The following CDK7 variants were observed in gnomAD, a reference collection of about 807,000 sequenced individuals.
The protein encoded by CDK7 is cyclin-dependent kinase 7.
Under a neutral mutation model 49.1 loss-of-function variants are expected in CDK7, and 25 were observed. That is an observed-to-expected ratio of 0.51 (90% CI 0.37 to 0.71). The LOEUF (loss-of-function observed/expected upper bound fraction) is 0.71, where lower values mean the gene tolerates loss of function less well. CDK7 is among the 30% of genes least tolerant of loss of function. The probability of loss-of-function intolerance (pLI) is 0.00; values close to 1 mark genes in which losing one functional copy is unlikely to be tolerated. For missense variants in CDK7, 316 were observed against 411.7 expected (o/e 0.77, Z 2.01); for synonymous variants, 107 against 140.0 (o/e 0.76, Z 1.67).
At chr5:69,265,894 A>G (rs1751122317) in intron 8 of CDK7, among the ~76,000 whole-genome samples, 1 of 150,936 alleles carries the variant, frequency 6.6e-6, no homozygotes, top group Non-Finnish European at 1.5e-5. Flanking sequence ...TGGGTGACAG[A>G]GCAAGACACT....
chr5:69,247,505 G>A (rs562279323), intron 2 of CDK7, among the ~76,000 whole-genome samples: 2 of 148,498 alleles, frequency 1.3e-5, no homozygotes, highest in African/African-American at 2.5e-5. Context: ...CAGATCTTTG[G>A]GGCTTCTTTT....
intron 9 of CDK7, among the ~76,000 whole-genome samples, chr5:69,272,066 C>T (rs1751611802): frequency 6.6e-6 from 1 of 152,208 alleles, no homozygotes; most frequent in South Asian, 2.1e-4. Flanking sequence ...GCTGAGATTA[C>T]AAGCGTGAGC....
At chr5:69,266,698 T>G (rs1230331043) in intron 8 of CDK7, among the ~76,000 whole-genome samples, 3 of 146,872 alleles carry the variant, frequency 2.0e-5, no homozygotes, top group South Asian at 2.1e-4. Flanking sequence ...TCAGCAGGGG[T>G]GGCTTCCAGG....
chr5:69,237,374 C>T (rs986498637), intron 2 of CDK7, among the ~76,000 whole-genome samples: 1 of 152,150 alleles, frequency 6.6e-6, no homozygotes, highest in Non-Finnish European at 1.5e-5. Flanking sequence ...AGGATCATTG[C>T]ATTTGGTCTG....
At chr5:69,276,405 G>C in intron 10 of CDK7, 138 bp from the exon 11 acceptor site, 1 of 698,530 alleles carries the variant, frequency 1.4e-6, no homozygotes, top group Non-Finnish European at 2.5e-6. Flanking sequence ...GCAAATACTT[G>C]ACATTAATTT....
intron 2 of CDK7, among the ~76,000 whole-genome samples, chr5:69,243,836 T>TTG (rs1554062459): frequency 3.7e-5 from 5 of 136,616 alleles, no homozygotes; most frequent in African/African-American, 1.1e-4. Context: ...GTTTTTTTTT[T>TTG]TTTTTTTTTT....
chr5:69,251,913 A>G (rs1347509934), intron 2 of CDK7, among the ~76,000 whole-genome samples: 1 of 152,224 alleles, frequency 6.6e-6, no homozygotes, highest in East Asian at 1.9e-4. Context: ...TTTGTGTAAG[A>G]CTAAACCTGT....
chr5:69,271,931 G>GTT (rs377452875), intron 9 of CDK7, among the ~76,000 whole-genome samples: 21 of 145,724 alleles, frequency 1.4e-4, no homozygotes, highest in Admixed American at 6.2e-4. Flanking sequence ...TTCAGTTTTT[G>GTT]TTTTTTTTTT....
chr5:69,236,189 C>T (rs1020190087), intron 2 of CDK7, among the ~76,000 whole-genome samples: 39 of 150,708 alleles, frequency 2.6e-4, no homozygotes, highest in African/African-American at 9.3e-4. Context: ...TGTAATGAGC[C>T]GAGATGGTGC....
intron 8 of CDK7, among the ~76,000 whole-genome samples, chr5:69,268,780 G>A (rs2150226906): frequency 6.7e-6 from 1 of 148,674 alleles, no homozygotes; most frequent in Non-Finnish European, 1.5e-5. Context: ...CTGAACCCAG[G>A]AGGCGGAGCT....
intron 8 of CDK7, among the ~76,000 whole-genome samples, chr5:69,265,525 A>G (rs1336642561): frequency 2.0e-5 from 3 of 152,218 alleles, no homozygotes; most frequent in Non-Finnish European, 4.4e-5. Flanking sequence ...AAGTGTTCAC[A>G]TTGTGAGGGA....
intron 8 of CDK7, among the ~76,000 whole-genome samples, chr5:69,263,210 G>A (rs971378337): frequency 6.6e-6 from 1 of 151,984 alleles, no homozygotes; most frequent in African/African-American, 2.4e-5. Flanking sequence ...TAGCCCTTAC[G>A]AATGATGAAG....
chr5:69,238,364 A>C (rs888658170), intron 2 of CDK7, among the ~76,000 whole-genome samples: 5 of 150,870 alleles, frequency 3.3e-5, no homozygotes, highest in Non-Finnish European at 5.9e-5. Context: ...AGCTCACTGA[A>C]GCCTTGACCT....
chr5:69,250,472 G>A (rs1036796371), intron 2 of CDK7, among the ~76,000 whole-genome samples: 14 of 152,214 alleles, frequency 9.2e-5, no homozygotes, highest in African/African-American at 3.4e-4. Flanking sequence ...GGCCCATGAA[G>A]AGGGGATTAT....
At chr5:69,237,187 A>C (rs549236045) in intron 2 of CDK7, among the ~76,000 whole-genome samples, 1 of 151,958 alleles carries the variant, frequency 6.6e-6, no homozygotes, top group South Asian at 2.1e-4. Flanking sequence ...TGCAGCCACC[A>C]ACTCCTGGAC....
intron 10 of CDK7, among the ~76,000 whole-genome samples, chr5:69,275,866 A>G (rs1265500118): frequency 6.6e-6 from 1 of 152,164 alleles, no homozygotes; most frequent in African/African-American, 2.4e-5. Flanking sequence ...TATATGAAAC[A>G]TAAGTTTCAT....
intron 3 of CDK7, among the ~76,000 whole-genome samples, chr5:69,252,896 G>A (rs575039436): frequency 7.2e-5 from 11 of 152,138 alleles, no homozygotes; most frequent in African/African-American, 2.4e-4. Context: ...CAGGGTCCCC[G>A]AAGAGTAAAG....
chr5:69,241,912 G>A (rs1247030599), intron 2 of CDK7, among the ~76,000 whole-genome samples: 1 of 152,096 alleles, frequency 6.6e-6, no homozygotes, highest in Non-Finnish European at 1.5e-5. Flanking sequence ...TTAACTTGAT[G>A]TGATCCCATT....
intron 2 of CDK7, 138 bp downstream of exon 2, chr5:69,235,591 T>C: frequency 4.4e-6 from 3 of 682,268 alleles, no homozygotes; most frequent in Non-Finnish European, 7.8e-6. Flanking sequence ...AAATAATTAA[T>C]TAGTGCTTTG....
Sources: gnomAD v4.1 joint callset for allele counts (sites outside exome capture counted in the v4.1 genomes callset) on GRCh38, gnomAD v4.1.1 for gene constraint, MANE v1.5 for transcripts, NCBI Gene and HGNC (gene_info 2026-07-23, HGNC 2026-07-21) for gene names.